COL11A1: variants seen among roughly 807,000 people sequenced by gnomAD.
COL11A1 encodes collagen alpha-1(XI) chain.
Under a neutral mutation model 265.2 loss-of-function variants are expected in COL11A1, and 74 were observed. That is an observed-to-expected ratio of 0.28 (90% CI 0.23 to 0.34). The LOEUF (loss-of-function observed/expected upper bound fraction) is 0.34. COL11A1 is among the 10% of genes least tolerant of loss of function. The pLI, the probability that COL11A1 is intolerant of heterozygous loss-of-function variation, is 1.00. For missense variants in COL11A1, 2,165 were observed against 2,263.6 expected, an observed-to-expected ratio of 0.96 and a Z score of 0.88; for synonymous variants, 816 against 727.6, an observed-to-expected ratio of 1.12 and a Z score of -1.96.
At chr1:103,060,834 A>G (rs556012638) in intron 4 of COL11A1, among the ~76,000 whole-genome samples, 1 of 152,220 alleles carries the variant, frequency 6.6e-6, no homozygotes, top group South Asian at 2.1e-4. Flanking sequence ...GCATGGTGGT[A>G]CTGGAAGGAT....
At chr1:102,949,830 A>G (rs1659701534) in intron 41 of COL11A1, among the ~76,000 whole-genome samples, 1 of 152,202 alleles carries the variant, frequency 6.6e-6, no homozygotes, top group Non-Finnish European at 1.5e-5. Flanking sequence ...AATGGAAGAA[A>G]TATAGCCACT....
intron 4 of COL11A1, among the ~76,000 whole-genome samples, chr1:103,049,691 G>C (rs1669626159): frequency 6.6e-6 from 1 of 152,130 alleles, no homozygotes; most frequent in Non-Finnish European, 1.5e-5. Context: ...TTTCTTCCTA[G>C]CCTTGATGGT....
At chr1:103,008,632 G>A in intron 14 of COL11A1, 116 bp from the exon 15 acceptor site, 1 of 918,940 alleles carries the variant, frequency 1.1e-6, no homozygotes, top group Non-Finnish European at 1.8e-6. Context: ...AATCATATTA[G>A]CATTAACTTA....
chr1:102,913,059 A>G (rs989905055), intron 53 of COL11A1, among the ~76,000 whole-genome samples: 3 of 152,204 alleles, frequency 2.0e-5, no homozygotes, highest in African/African-American at 7.2e-5. Flanking sequence ...ATAAGCCTGT[A>G]TCTGTGATAG....
intron 1 of COL11A1, among the ~76,000 whole-genome samples, chr1:103,105,081 A>AT (rs11413746): frequency 0.49 from 73,300 of 148,586 alleles, 20,763 homozygotes; most frequent in East Asian, 0.91. Context: ...ATTCAATTAG[A>AT]TTTTTTTTTT....
At chr1:102,938,967 A>C in intron 44 of COL11A1, 68 bp downstream of exon 44, 1 of 1,396,718 alleles carries the variant, frequency 7.2e-7, no homozygotes, top group Non-Finnish European at 1.0e-6. Flanking sequence ...CTATATAAAA[A>C]TATCAATGGT....
At chr1:103,014,229 C>T (rs993357655) in intron 13 of COL11A1, among the ~76,000 whole-genome samples, 2 of 151,680 alleles carry the variant, frequency 1.3e-5, no homozygotes, top group African/African-American at 4.8e-5. Flanking sequence ...TATATCAATA[C>T]TCTTGGGAAA....
intron 28 of COL11A1, 73 bp from the exon 29 acceptor site, chr1:102,989,644 A>C: frequency 1.9e-6 from 2 of 1,067,538 alleles, no homozygotes; most frequent in South Asian, 2.7e-5. Flanking sequence ...TTGCTATAAA[A>C]ATTTATGTGC....
chr1:102,880,377 C>A (rs1650082850), intron 65 of COL11A1, among the ~76,000 whole-genome samples: 1 of 152,068 alleles, frequency 6.6e-6, no homozygotes, highest in Admixed American at 6.6e-5. Context: ...CAACTTTACC[C>A]AAATCTGTAA....
chr1:102,984,679 T>C (rs2101718183), intron 30 of COL11A1, among the ~76,000 whole-genome samples: 1 of 152,182 alleles, frequency 6.6e-6, no homozygotes, highest in Non-Finnish European at 1.5e-5. Flanking sequence ...CTTTTCTCAA[T>C]GAGTAAGTAA....
chr1:102,992,610 C>T (rs1395121290), intron 28 of COL11A1, among the ~76,000 whole-genome samples: 1 of 151,890 alleles, frequency 6.6e-6, no homozygotes, highest in Admixed American at 6.6e-5. Flanking sequence ...ATGGAGAATT[C>T]TTACCATTAA....
At chr1:103,099,885 A>C (rs1674109540) in intron 1 of COL11A1, among the ~76,000 whole-genome samples, 1 of 151,940 alleles carries the variant, frequency 6.6e-6, no homozygotes, top group Non-Finnish European at 1.5e-5. Flanking sequence ...TACTCATGTC[A>C]CTACCAACAG....
chr1:103,096,717 T>C (rs1185120005), intron 1 of COL11A1, among the ~76,000 whole-genome samples: 1 of 151,900 alleles, frequency 6.6e-6, no homozygotes. Context: ...CTTTAAGACT[T>C]AAAAAAATGC....
At chr1:102,976,869 A>G (rs1662544018) in intron 35 of COL11A1, among the ~76,000 whole-genome samples, 1 of 152,048 alleles carries the variant, frequency 6.6e-6, no homozygotes, top group Admixed American at 6.6e-5. Flanking sequence ...TTTTCACTTA[A>G]TTTGGTAACC....
Position 102,979,742 on chromosome 1 carries a change from T to C in COL11A1, c.2557-307A>G, listed in dbSNP as rs1035740000. The C allele has an allele frequency of 1.0e-5, 4 of 389,556 alleles. No individual in the cohort carries two copies. In the Admixed American group the frequency reaches 1.2e-4, roughly 11 times the overall value. The allele number at this position is 389,556 out of a possible 1,614,324, so 24.1% of individuals were successfully genotyped here. On this transcript the variant is annotated intron_variant, in intron 31 of 66. Coordinates refer to ENST00000370096, the MANE Select transcript of COL11A1 (RefSeq NM_001854.4). Reference sequence around the variant, plus strand: ...TATAGGACATTTTATAGAAAATGTATTGCAATGTAAAATTCTTTGTATTTG... The same window carrying C: ...TATAGGACATTTTATAGAAAATGTACTGCAATGTAAAATTCTTTGTATTTG...
intron 6 of COL11A1, chr1:103,025,996 G>A (rs1327177351): frequency 7.0e-6 from 11 of 1,577,888 alleles, no homozygotes; most frequent in Middle Eastern, 1.7e-4. Flanking sequence ...ATAAATAAAC[G>A]AGGAGGGAAA....
intron 42 of COL11A1, among the ~76,000 whole-genome samples, chr1:102,942,267 T>C (rs1237971344): frequency 6.6e-6 from 1 of 152,182 alleles, no homozygotes; most frequent in Non-Finnish European, 1.5e-5. Flanking sequence ...AATCCTTTTG[T>C]ATAAGGTTTC....
At chr1:103,107,745 T>C (rs1674822214) in intron 1 of COL11A1, among the ~76,000 whole-genome samples, 1 of 152,132 alleles carries the variant, frequency 6.6e-6, no homozygotes, top group Admixed American at 6.5e-5. Flanking sequence ...AAAAGCTTTG[T>C]ATAACTGCCC....
At position 103,050,506 on chromosome 1, in the gene COL11A1, T is replaced by C. The variant is rs1449615344; in HGVS notation, c.652-19262A>G. Among the ~76,000 whole-genome samples the C allele has an allele frequency of 3.9e-5, 6 of 152,100 alleles. No homozygotes were observed. The East Asian group carries it at 1.2e-3, about 29-fold the overall frequency. On this transcript the variant is annotated intron_variant, in intron 4 of 66. Coordinates refer to ENST00000370096, the MANE Select transcript of COL11A1 (RefSeq NM_001854.4). ...TTATTCTAGTTATCCATTCGTCTAA[T>C]TTTTTTTCAAAGTTTTTAACTTCTT... is the stretch of plus-strand genomic sequence containing the variant.
Sources: gnomAD v4.1 joint callset for allele counts (sites outside exome capture counted in the v4.1 genomes callset) on GRCh38, gnomAD v4.1.1 for gene constraint, MANE v1.5 for transcripts, NCBI Gene and HGNC (gene_info 2026-07-23, HGNC 2026-07-21) for gene names.